Variants in NYAP2 observed in about 807,000 individuals in gnomAD.
The protein encoded by NYAP2 is neuronal tyrosine-phosphorylated phosphoinositide-3-kinase adaptor 2.
In NYAP2, 23 loss-of-function variants were observed where a neutral mutation model predicts 50.4. That is an observed-to-expected ratio of 0.46 (90% CI 0.33 to 0.65). NYAP2 has a LOEUF of 0.65. NYAP2 is among the 30% of genes least tolerant of loss of function. The pLI is 0.02. For missense variants in NYAP2, 885 were observed against 861.0 expected (o/e 1.03, Z -0.35); for synonymous variants, 394 against 365.2 (o/e 1.08, Z -0.90).
At chr2:225,559,294 A>G (rs975401108) in intron 4 of NYAP2, among the ~76,000 whole-genome samples, 1 of 151,768 alleles carries the variant, frequency 6.6e-6, no homozygotes, top group East Asian at 1.9e-4. Flanking sequence ...TCGCTCATTT[A>G]TCATGGAGAG....
At chr2:225,679,617 C>G in the NYAP2 span, among the ~76,000 whole-genome samples, 114 of 150,270 alleles carry the variant, frequency 7.6e-4, no homozygotes, top group African/African-American at 2.7e-3. Context: ...GCCTCAGCCT[C>G]TGTAGTTGCT....
intron 3 of NYAP2, among the ~76,000 whole-genome samples, chr2:225,449,783 T>C (rs1319961790): frequency 6.6e-6 from 1 of 151,672 alleles, no homozygotes; most frequent in Non-Finnish European, 1.5e-5. Flanking sequence ...TAACTTTGCT[T>C]TTTTTGTACT....
chr2:225,535,291 T>G (rs1304070878), intron 4 of NYAP2, among the ~76,000 whole-genome samples: 3 of 152,188 alleles, frequency 2.0e-5, no homozygotes, highest in Admixed American at 2.0e-4. Context: ...AGAAAATGTT[T>G]GAAGAGCCTA....
intron 4 of NYAP2, among the ~76,000 whole-genome samples, chr2:225,531,425 C>A (rs1184534901): frequency 6.6e-6 from 1 of 152,168 alleles, no homozygotes; most frequent in Non-Finnish European, 1.5e-5. Flanking sequence ...GTGTACAATG[C>A]CATTATATCT....
At chr2:225,478,668 T>C (rs1299701273) in intron 3 of NYAP2, among the ~76,000 whole-genome samples, 1 of 152,296 alleles carries the variant, frequency 6.6e-6, no homozygotes, top group East Asian at 1.9e-4. Context: ...AAGGTTAATC[T>C]GTGGAAAAAA....
intron 3 of NYAP2, among the ~76,000 whole-genome samples, chr2:225,465,012 G>A (rs558370062): frequency 2.0e-4 from 30 of 152,240 alleles, no homozygotes; most frequent in African/African-American, 6.0e-4. Flanking sequence ...GAGTATTTTC[G>A]TCTCACCCTT....
rs74769614 is a variant in NYAP2 at position 225,428,732 on chromosome 2, G to A, written c.221+19631G>A. The stretch of plus-strand genomic sequence containing the variant: ...CTTCCCAAACGTGATTCCTGGGAAA[G>A]CATCAGGAAACTGGGCTTTAGAATT... On this transcript the variant is annotated intron_variant, in intron 3 of 6. Coordinates refer to ENST00000636099, the Ensembl canonical transcript of NYAP2. Among the ~76,000 whole-genome samples the A allele has an allele frequency of 5.1e-3, 778 of 152,308 alleles. 5 individuals carry two copies. Among genetic ancestry groups the A allele is most frequent in the African/African-American group, 0.017 (724 of 41,558 alleles).
chr2:225,697,574 T>C, the NYAP2 span, among the ~76,000 whole-genome samples: 14 of 151,980 alleles, frequency 9.2e-5, no homozygotes, highest in Non-Finnish European at 1.6e-4. Flanking sequence ...AAAACATTCA[T>C]TCAAATCTTT....
chr2:225,607,511 T>G (rs1438584259), intron 5 of NYAP2, among the ~76,000 whole-genome samples: 5 of 152,162 alleles, frequency 3.3e-5, no homozygotes, highest in Non-Finnish European at 7.4e-5. Context: ...TAAGACTGAC[T>G]CTAGCAGCAA....
chr2:225,447,999 T>C (rs1397754868), intron 3 of NYAP2, among the ~76,000 whole-genome samples: 1 of 152,152 alleles, frequency 6.6e-6, no homozygotes, highest in African/African-American at 2.4e-5. Context: ...TTTAGGAAGA[T>C]TGAACTTGCA....
Position 225,479,520 on chromosome 2 carries a change from A to AGAG in NYAP2, c.222-33850_222-33848dup, listed in dbSNP as rs112178537. 4.9e-3 allele frequency among the ~76,000 whole-genome samples: 739 copies of AGAG among 152,334 alleles called. 5 individuals are homozygous for AGAG. The highest frequency in any genetic ancestry group is 0.017 in the African/African-American group (707 of 41,580). Reference sequence around the variant, plus strand: ...TGCAGACCAAAAGTCCTTTAATAAAAGAGTATGACATGCCAAAAGTTCAGC... The same window carrying AGAG: ...TGCAGACCAAAAGTCCTTTAATAAAAGAGGAGTATGACATGCCAAAAGTTCAGC... On this transcript the variant is annotated intron_variant, in intron 3 of 6. Coordinates refer to ENST00000636099, the Ensembl canonical transcript of NYAP2.
At chr2:225,423,246 C>T (rs912970057) in intron 3 of NYAP2, among the ~76,000 whole-genome samples, 11 of 152,074 alleles carry the variant, frequency 7.2e-5, no homozygotes, top group African/African-American at 1.9e-4. Flanking sequence ...GAATGCCATG[C>T]GGCTTGTGGA....
At chr2:225,399,124 A>G (rs925349553), upstream of NYAP2, among the ~76,000 whole-genome samples, 27 of 152,208 alleles carry the variant, frequency 1.8e-4, no homozygotes, top group Admixed American at 1.8e-3. Context: ...ACAGTGAGTT[A>G]CTGAAAAAGA....
At chr2:225,463,035 G>A (rs1689859749) in intron 3 of NYAP2, among the ~76,000 whole-genome samples, 1 of 152,242 alleles carries the variant, frequency 6.6e-6, no homozygotes, top group African/African-American at 2.4e-5. Flanking sequence ...AAATGAGTAG[G>A]TGGAGACAGG....
the NYAP2 span, among the ~76,000 whole-genome samples, chr2:225,684,247 A>C: frequency 6.6e-6 from 1 of 152,126 alleles, no homozygotes; most frequent in Non-Finnish European, 1.5e-5. Context: ...TGCTCTATGA[A>C]AAGTTTTATT....
In NYAP2 at chr2:225,573,679, G is replaced by A. The variant is rs148257303; in HGVS notation, c.524-8262G>A. On this transcript the variant is annotated intron_variant, in intron 4 of 6. Transcript: ENST00000636099. ...GCTGGCAGTTGGGATGGGTTGGAACGTTGAAGAATGCTTCACTCACATGTC... is the reference window on the plus strand; with the variant it reads ...GCTGGCAGTTGGGATGGGTTGGAACATTGAAGAATGCTTCACTCACATGTC... Among the ~76,000 whole-genome samples, 284 of 152,308 alleles carry A rather than the reference G, an allele frequency of 1.9e-3. 1 individual carries two copies. The highest frequency in any genetic ancestry group is 5.4e-3 in the African/African-American group (223 of 41,568).
intron 5 of NYAP2, among the ~76,000 whole-genome samples, chr2:225,617,942 T>C (rs1471373230): frequency 2.0e-5 from 3 of 152,196 alleles, no homozygotes; most frequent in Non-Finnish European, 4.4e-5. Context: ...CTCTATTAGA[T>C]ACTGAGTACC....
At chr2:225,450,575 T>A (rs1043245852) in intron 3 of NYAP2, among the ~76,000 whole-genome samples, 3 of 152,342 alleles carry the variant, frequency 2.0e-5, no homozygotes, top group Non-Finnish European at 4.4e-5. Context: ...TGATAATGTA[T>A]GTGTTTTGGC....
At chr2:225,576,156 G>A (rs1256737215) in intron 4 of NYAP2, among the ~76,000 whole-genome samples, 1 of 152,178 alleles carries the variant, frequency 6.6e-6, no homozygotes, top group Admixed American at 6.5e-5. Context: ...TTAGAATTAT[G>A]TCTTCTAGTT....
Sources: gnomAD v4.1 joint callset for allele counts (sites outside exome capture counted in the v4.1 genomes callset) on GRCh38, gnomAD v4.1.1 for gene constraint, MANE v1.5 for transcripts, NCBI Gene and HGNC (gene_info 2026-07-23, HGNC 2026-07-21) for gene names.